Variants in RBMS1 observed in about 807,000 individuals in gnomAD.
RBMS1 encodes the protein RNA binding motif single stranded interacting protein 1.
In RBMS1, 17 loss-of-function variants were observed where a neutral mutation model predicts 62.3. The observed-to-expected ratio is 0.27, with a 90% CI of 0.19 to 0.41. The LOEUF (loss-of-function observed/expected upper bound fraction) is 0.41. Ranked by LOEUF, RBMS1 falls within the 10% of genes least tolerant of loss-of-function variation. RBMS1 has a pLI of 1.00. For missense variants in RBMS1, 334 were observed against 504.5 expected, an observed-to-expected ratio of 0.66 and a Z score of 3.24; for synonymous variants, 172 against 170.0, an observed-to-expected ratio of 1.01 and a Z score of -0.09.
intron 1 of RBMS1, among the ~76,000 whole-genome samples, chr2:160,437,556 T>G (rs1230367608): frequency 4.6e-5 from 7 of 152,226 alleles, no homozygotes; most frequent in Non-Finnish European, 5.9e-5. Flanking sequence ...TGACCAACTT[T>G]GTGCCTGACA....
chr2:160,370,026 T>C (rs1693636431), intron 1 of RBMS1, among the ~76,000 whole-genome samples: 1 of 152,186 alleles, frequency 6.6e-6, no homozygotes, highest in African/African-American at 2.4e-5. Flanking sequence ...ATTTTCCCAA[T>C]GTGGGAAGCA....
intron 1 of RBMS1, chr2:160,402,080 A>AGGACC (rs1695455732): frequency 6.6e-6 from 1 of 152,138 alleles, no homozygotes; most frequent in Admixed American, 6.6e-5. Context: ...GAAGTCTCCT[A>AGGACC]GGACCACCCG....
intron 2 of RBMS1, among the ~76,000 whole-genome samples, chr2:160,321,758 C>T (rs1051217847): frequency 6.6e-6 from 1 of 152,186 alleles, no homozygotes; most frequent in Non-Finnish European, 1.5e-5. Flanking sequence ...TCAGTAATTC[C>T]TGAACCCAGG....
chr2:160,424,016 C>T (rs1051425945), intron 1 of RBMS1, among the ~76,000 whole-genome samples: 9 of 148,162 alleles, frequency 6.1e-5, no homozygotes, highest in Middle Eastern at 3.6e-3. Flanking sequence ...AAAAAAAGTG[C>T]CATTTCTTTT....
chr2:160,461,837 C>T (rs1054861823), intron 1 of RBMS1, among the ~76,000 whole-genome samples: 6 of 152,190 alleles, frequency 3.9e-5, no homozygotes, highest in Non-Finnish European at 8.8e-5. Flanking sequence ...AGTTTCGTTG[C>T]CCTTGGACTT....
At chr2:160,337,298 TA>T (rs749715098) in intron 2 of RBMS1, among the ~76,000 whole-genome samples, 6 of 151,990 alleles carry the variant, frequency 3.9e-5, no homozygotes, top group Non-Finnish European at 8.8e-5. Flanking sequence ...TGCAGCTGGC[TA>T]ATTTTTTGTA....
intron 1 of RBMS1, among the ~76,000 whole-genome samples, chr2:160,406,948 A>G (rs1039524385): frequency 9.2e-5 from 14 of 152,194 alleles, no homozygotes; most frequent in Non-Finnish European, 2.9e-5. Context: ...AGAAAGTGAC[A>G]GTAGAAGTTC....
At chr2:160,443,162 C>T (rs1056257864) in intron 1 of RBMS1, among the ~76,000 whole-genome samples, 5 of 150,624 alleles carry the variant, frequency 3.3e-5, no homozygotes, top group Non-Finnish European at 5.9e-5. Context: ...GCCGAGATTG[C>T]GCCACTGAAC....
intron 1 of RBMS1, among the ~76,000 whole-genome samples, chr2:160,462,585 T>C (rs895534812): frequency 1.3e-5 from 2 of 152,116 alleles, no homozygotes; most frequent in South Asian, 2.1e-4. Flanking sequence ...GCAAAAGATA[T>C]GGAACATCAT....
intron 2 of RBMS1, among the ~76,000 whole-genome samples, chr2:160,347,431 C>A (rs1692247023): frequency 6.6e-6 from 1 of 152,162 alleles, no homozygotes; most frequent in South Asian, 2.1e-4. Context: ...TTACTTTTAT[C>A]ACCTCTTACA....
At chr2:160,454,527 A>T (rs956743324) in intron 1 of RBMS1, among the ~76,000 whole-genome samples, 1 of 152,338 alleles carries the variant, frequency 6.6e-6, no homozygotes, top group Admixed American at 6.5e-5. Flanking sequence ...GTGAAAGTGG[A>T]GGAGGAATTA....
intron 2 of RBMS1, among the ~76,000 whole-genome samples, chr2:160,337,124 CT>C (rs1394212383): frequency 5.4e-5 from 8 of 148,034 alleles, no homozygotes; most frequent in African/African-American, 1.7e-4. Context: ...TTTCGTTTTT[CT>C]TTTTCTTTTC....
At chr2:160,378,567 A>G (rs1454062257) in intron 1 of RBMS1, among the ~76,000 whole-genome samples, 3 of 151,930 alleles carry the variant, frequency 2.0e-5, no homozygotes, top group Admixed American at 6.6e-5. Flanking sequence ...AGCTGAGATC[A>G]TGCCACTGCT....
intron 1 of RBMS1, among the ~76,000 whole-genome samples, chr2:160,391,706 A>T (rs1244307382): frequency 6.6e-6 from 1 of 152,248 alleles, no homozygotes; most frequent in Non-Finnish European, 1.5e-5. Context: ...GGCTGGGCAC[A>T]GTGGCTCATG....
intron 6 of RBMS1, among the ~76,000 whole-genome samples, chr2:160,297,969 G>A (rs1439739103): frequency 2.0e-5 from 3 of 152,148 alleles, no homozygotes; most frequent in African/African-American, 7.2e-5. Context: ...ACAATAAAGT[G>A]ACACATAGGT....
chr2:160,320,195 T>C (rs1474028642), intron 2 of RBMS1, among the ~76,000 whole-genome samples: 1 of 152,182 alleles, frequency 6.6e-6, no homozygotes, highest in African/African-American at 2.4e-5. Flanking sequence ...CAGCTGAGCA[T>C]GGTGGCTCAT....
chr2:160,306,218 G>C (rs982413346), intron 4 of RBMS1, among the ~76,000 whole-genome samples: 1 of 152,010 alleles, frequency 6.6e-6, no homozygotes, highest in Non-Finnish European at 1.5e-5. Context: ...AGGAGAATTT[G>C]TTATGTATGA....
intron 1 of RBMS1, among the ~76,000 whole-genome samples, chr2:160,401,235 T>G (rs1211131051): frequency 6.6e-6 from 1 of 152,238 alleles, no homozygotes; most frequent in African/African-American, 2.4e-5. Context: ...CTAGTTTACA[T>G]TACACTGTTA....
At chr2:160,413,895 T>G (rs555373516) in intron 1 of RBMS1, among the ~76,000 whole-genome samples, 1 of 152,252 alleles carries the variant, frequency 6.6e-6, no homozygotes, top group Admixed American at 6.5e-5. Flanking sequence ...GGGTTTGATC[T>G]TGGGTCTCTT....
Sources: gnomAD v4.1 joint callset for allele counts (sites outside exome capture counted in the v4.1 genomes callset) on GRCh38, gnomAD v4.1.1 for gene constraint, MANE v1.5 for transcripts, NCBI Gene and HGNC (gene_info 2026-07-23, HGNC 2026-07-21) for gene names.